The following LRMDA variants were observed in gnomAD, a reference collection of about 807,000 sequenced individuals.
LRMDA encodes the protein leucine-rich melanocyte differentiation-associated protein.
A neutral mutation model predicts 29.8 loss-of-function variants in LRMDA; 18 were observed. The ratio of observed to expected loss-of-function variants is 0.60; its 90% CI spans 0.42 to 0.90. The LOEUF is 0.90. Among genes scored for constraint, LRMDA ranks in the 40% least tolerant of loss-of-function variants. LRMDA has a pLI of 0.00. For synonymous variants in LRMDA, 125 were observed against 109.4 expected, an observed-to-expected ratio of 1.14 and a Z score of -0.89; for missense variants, 273 against 273.9, an observed-to-expected ratio of 1.00 and a Z score of 0.02.
intron 3 of LRMDA, among the ~76,000 whole-genome samples, chr10:76,037,685 G>A (rs970660453): frequency 3.3e-5 from 5 of 152,196 alleles, no homozygotes; most frequent in African/African-American, 4.8e-5. Flanking sequence ...AGCAGAGAGA[G>A]AGGAAGCAAG....
chr10:76,064,902 C>T (rs1402746458), intron 5 of LRMDA, among the ~76,000 whole-genome samples: 1 of 152,114 alleles, frequency 6.6e-6, no homozygotes, highest in Non-Finnish European at 1.5e-5. Context: ...TTCCAACTAC[C>T]TGAATGTGCT....
intron 6 of LRMDA, among the ~76,000 whole-genome samples, chr10:76,421,241 A>G (rs1463229863): frequency 6.6e-6 from 1 of 151,920 alleles, no homozygotes; most frequent in Middle Eastern, 3.2e-3. Flanking sequence ...TTCCTGAACA[A>G]CCACCTCTTT....
intron 2 of LRMDA, among the ~76,000 whole-genome samples, chr10:75,783,767 C>T (rs901518483): frequency 6.6e-6 from 1 of 152,206 alleles, no homozygotes; most frequent in Non-Finnish European, 1.5e-5. Context: ...AGGCACATTA[C>T]CTGGGACATG....
At chr10:75,449,448 C>A (rs994185748) in intron 2 of LRMDA, among the ~76,000 whole-genome samples, 19 of 151,184 alleles carry the variant, frequency 1.3e-4, no homozygotes, top group African/African-American at 4.4e-4. Flanking sequence ...TGGTGTAAAT[C>A]TTTTTTCTGT....
In LRMDA at chr10:76,499,575, GA is replaced by G. The variant is rs1842897570; in HGVS notation, c.602-57629del. On this transcript the variant is annotated intron_variant, in intron 6 of 6. Transcript: ENST00000611255. ...CATTTTGAATTAATTTCACACTGTT[GA>G]AAAATTAGTAAAATTATTTCTTATA... Among the ~76,000 whole-genome samples the G allele has an allele frequency of 2.7e-5, 2 of 74,550 alleles. 1 individual carries two copies. Among genetic ancestry groups the G allele is most frequent in the African/African-American group, 6.5e-5 (2 of 30,776 alleles). 48.9% of individuals were successfully genotyped at this position (74,550 alleles called of 152,430 possible).
intron 2 of LRMDA, among the ~76,000 whole-genome samples, chr10:75,979,002 G>A (rs913550359): frequency 6.6e-6 from 1 of 152,150 alleles, no homozygotes; most frequent in Non-Finnish European, 1.5e-5. Flanking sequence ...AATGACCTTG[G>A]ACTTTCCATG....
chr10:76,179,346 G>A (rs1402289084), intron 5 of LRMDA, among the ~76,000 whole-genome samples: 1 of 151,810 alleles, frequency 6.6e-6, no homozygotes, highest in African/African-American at 2.4e-5. Flanking sequence ...CATGTAGCTG[G>A]CCTAATTCTC....
rs373116046 is a variant in LRMDA, at chr10:76,557,594, G to A, written c.*306G>A. The A allele has an allele frequency of 1.7e-5, 7 of 406,962 alleles. No individual in the cohort carries two copies. The East Asian group carries it at 3.2e-4, about 19-fold the overall frequency. 25.2% of individuals were successfully genotyped at this position (406,962 alleles called of 1,614,324 possible). A position where few individuals can be genotyped will look rare whatever the true frequency, so the allele number is the denominator to read the frequency against. ...CATGAACACCATGATAGATTGCCTG[G>A]TCCTGCCACTGCTCACAGGGGAGCA... On this transcript the variant is annotated 3_prime_UTR_variant, in exon 7 of 7. Transcript: ENST00000611255.
At chr10:75,988,833 C>T (rs1226700926) in intron 2 of LRMDA, among the ~76,000 whole-genome samples, 1 of 152,200 alleles carries the variant, frequency 6.6e-6, no homozygotes, top group Admixed American at 6.5e-5. Context: ...TGGGTGCGGC[C>T]TGTCCTTGCA....
intron 2 of LRMDA, among the ~76,000 whole-genome samples, chr10:75,716,577 A>C (rs1842502644): frequency 6.6e-6 from 1 of 152,206 alleles, no homozygotes; most frequent in Admixed American, 6.5e-5. Context: ...TACAACTCTG[A>C]CATTGATTAA....
At chr10:76,550,164 G>A (rs549805441) in intron 6 of LRMDA, among the ~76,000 whole-genome samples, 23 of 152,026 alleles carry the variant, frequency 1.5e-4, no homozygotes, top group Admixed American at 3.9e-4. Context: ...AAATAGAAAT[G>A]GTTTTTTGTA....
chr10:75,877,805 C>T (rs923007104), intron 2 of LRMDA, among the ~76,000 whole-genome samples: 2 of 152,198 alleles, frequency 1.3e-5, no homozygotes, highest in African/African-American at 4.8e-5. Flanking sequence ...TTCCTGTGAT[C>T]ATTGCTAATC....
chr10:75,571,224 T>C (rs1840433379), intron 2 of LRMDA, among the ~76,000 whole-genome samples: 1 of 152,184 alleles, frequency 6.6e-6, no homozygotes. Flanking sequence ...TCAATTAACA[T>C]GTGTGTGGCT....
chr10:75,877,819 T>C (rs938380074), intron 2 of LRMDA, among the ~76,000 whole-genome samples: 1 of 152,176 alleles, frequency 6.6e-6, no homozygotes, highest in Admixed American at 6.5e-5. Flanking sequence ...GCTAATCGCA[T>C]TGGTACCAGG....
intron 6 of LRMDA, among the ~76,000 whole-genome samples, chr10:76,518,542 T>C (rs1843087018): frequency 6.6e-6 from 1 of 152,136 alleles, no homozygotes; most frequent in African/African-American, 2.4e-5. Flanking sequence ...TGTTATTTTA[T>C]CTACCACTGT....
intron 5 of LRMDA, among the ~76,000 whole-genome samples, chr10:76,272,079 C>T (rs1840074882): frequency 6.6e-6 from 1 of 152,164 alleles, no homozygotes; most frequent in African/African-American, 2.4e-5. Flanking sequence ...TGTTGGTCTT[C>T]CATGGTACTT....
chr10:76,089,713 T>C (rs746101021), intron 5 of LRMDA, among the ~76,000 whole-genome samples: 45 of 152,160 alleles, frequency 3.0e-4, no homozygotes, highest in Non-Finnish European at 6.0e-4. Flanking sequence ...GCTTTCCATA[T>C]GCACGGAACA....
intron 5 of LRMDA, among the ~76,000 whole-genome samples, chr10:76,184,291 A>T (rs551994438): frequency 5.3e-5 from 8 of 152,142 alleles, no homozygotes; most frequent in South Asian, 4.2e-4. Flanking sequence ...TCAGCCTCCC[A>T]AAGTGCTGGG....
At chr10:76,268,883 GCC>G (rs1170074603) in intron 5 of LRMDA, among the ~76,000 whole-genome samples, 1 of 151,944 alleles carries the variant, frequency 6.6e-6, no homozygotes, top group Non-Finnish European at 1.5e-5. Flanking sequence ...GAGCTTATTG[GCC>G]CCCTAGGTTT....
Sources: allele counts gnomAD v4.1 joint callset (sites outside exome capture counted in the v4.1 genomes callset), GRCh38; gene constraint gnomAD v4.1.1; transcripts MANE v1.5; gene names NCBI Gene and HGNC (gene_info 2026-07-23, HGNC 2026-07-21).